SLC39A11: variants seen among roughly 807,000 people sequenced by gnomAD.
SLC39A11 encodes zinc transporter ZIP11.
A neutral mutation model predicts 36.1 loss-of-function variants in SLC39A11; 33 were observed. The observed-to-expected ratio is 0.91, with a 90% CI of 0.69 to 1.22. The LOEUF is 1.22. Ranked by LOEUF, SLC39A11 falls within the 50% of genes most tolerant of loss-of-function variation. SLC39A11 has a pLI of 0.00. For missense variants in SLC39A11, 432 were observed against 430.3 expected (o/e 1.00, Z -0.03); for synonymous variants, 166 against 170.3 (o/e 0.97, Z 0.20).
chr17:72,905,924 T>C (rs1297365402), intron 5 of SLC39A11, among the ~76,000 whole-genome samples: 1 of 151,958 alleles, frequency 6.6e-6, no homozygotes, highest in Admixed American at 6.6e-5. Flanking sequence ...CGGCTAATGT[T>C]TTGTATATTT....
intron 7 of SLC39A11, among the ~76,000 whole-genome samples, chr17:72,721,187 G>T (rs897343684): frequency 6.6e-6 from 1 of 151,016 alleles, no homozygotes; most frequent in Admixed American, 6.6e-5. Flanking sequence ...ACCTCTGCCT[G>T]CTGGGTTCAA....
chr17:73,024,512 A>G (rs75135438), intron 4 of SLC39A11, among the ~76,000 whole-genome samples: 6,408 of 152,280 alleles, frequency 0.042, 180 homozygotes, highest in East Asian at 0.074. Context: ...TCCCTAAGAT[A>G]TTCTTTCGTG....
chr17:72,657,627 G>C (rs1299876352), intron 7 of SLC39A11, among the ~76,000 whole-genome samples: 1 of 152,104 alleles, frequency 6.6e-6, no homozygotes, highest in Admixed American at 6.5e-5. Context: ...GGACTGAGGG[G>C]TTTCCCAGGA....
chr17:72,798,305 G>A (rs1024650719), intron 6 of SLC39A11, among the ~76,000 whole-genome samples: 4 of 152,018 alleles, frequency 2.6e-5, no homozygotes, highest in Admixed American at 2.0e-4. Flanking sequence ...GTGCCAGCAT[G>A]GTCATGTTCT....
chr17:72,716,992 T>A (rs113398658), intron 7 of SLC39A11, among the ~76,000 whole-genome samples: 2 of 126,464 alleles, frequency 1.6e-5, no homozygotes, highest in Non-Finnish European at 1.6e-5. Flanking sequence ...TATATATATA[T>A]ACACACACAC....
At chr17:72,713,172 G>A (rs928027004) in intron 7 of SLC39A11, among the ~76,000 whole-genome samples, 5 of 152,158 alleles carry the variant, frequency 3.3e-5, no homozygotes, top group African/African-American at 9.7e-5. Context: ...GGAGTTCGTG[G>A]TGGAGACTTC....
chr17:72,708,356 C>T (rs565754547), intron 7 of SLC39A11, among the ~76,000 whole-genome samples: 1 of 152,328 alleles, frequency 6.6e-6, no homozygotes, highest in South Asian at 2.1e-4. Flanking sequence ...AGGAAAAATA[C>T]TCTCCAGCAG....
intron 7 of SLC39A11, among the ~76,000 whole-genome samples, chr17:72,699,005 A>AT (rs1216324380): frequency 1.1e-4 from 17 of 151,802 alleles, no homozygotes; most frequent in Non-Finnish European, 2.9e-5. Flanking sequence ...TAATTTTTGT[A>AT]TTTTTAGTAG....
At chr17:72,743,563 C>T (rs913279865) in intron 6 of SLC39A11, among the ~76,000 whole-genome samples, 2 of 152,064 alleles carry the variant, frequency 1.3e-5, no homozygotes, top group South Asian at 2.1e-4. Flanking sequence ...ATTTAGAAAG[C>T]GAAACAGGAA....
chr17:73,067,966 A>G lies in SLC39A11; in HGVS notation c.147+16842T>C. The stretch of plus-strand genomic sequence containing the variant: ...CAACTTCTTGGTCTGGGGAAGGAGC[A>G]AAGGACTGATTCACATAAATAAACA... On this transcript the variant is annotated intron_variant, in intron 3 of 9. Coordinates refer to ENST00000255559, the MANE Select transcript of SLC39A11 (RefSeq NM_139177.4). The G allele has an allele frequency of 1.9e-6, 3 of 1,595,148 alleles. No homozygotes were observed. The South Asian group carries it at 3.3e-5, about 18-fold the overall frequency.
intron 5 of SLC39A11, among the ~76,000 whole-genome samples, chr17:72,914,337 A>G (rs1483249077): frequency 1.3e-5 from 2 of 150,608 alleles, no homozygotes; most frequent in Non-Finnish European, 3.0e-5. Flanking sequence ...AAAAGAAAAA[A>G]GAATACAAAA....
rs368749602 is a variant in SLC39A11 at position 72,749,902 on chromosome 17, G to A, written c.602-13183C>T. Among the ~76,000 whole-genome samples, 38 of 152,228 alleles carry A rather than the reference G, an allele frequency of 2.5e-4. No individual in the cohort carries two copies. The East Asian group carries it at 5.8e-3, about 23-fold the overall frequency. On this transcript the variant is annotated intron_variant, in intron 6 of 9. Coordinates refer to ENST00000255559, the MANE Select transcript of SLC39A11 (RefSeq NM_139177.4). ...ATTCGTAAAACACTAGATGGAAGTC[G>A]TACCAGGAATTCAGCCACACATCCC...
At chr17:73,082,521 G>A (rs1478222855) in intron 3 of SLC39A11, among the ~76,000 whole-genome samples, 1 of 151,770 alleles carries the variant, frequency 6.6e-6, no homozygotes, top group Non-Finnish European at 1.5e-5. Context: ...TAAGGAAAGA[G>A]AAAATGTGTT....
chr17:72,702,370 C>G (rs2143070645), intron 7 of SLC39A11, among the ~76,000 whole-genome samples: 1 of 152,216 alleles, frequency 6.6e-6, no homozygotes, highest in East Asian at 1.9e-4. Context: ...CCCTAGGGAA[C>G]AGTGGGCAAT....
At chr17:73,041,979 C>T (rs562692337) in intron 3 of SLC39A11, among the ~76,000 whole-genome samples, 1 of 152,236 alleles carries the variant, frequency 6.6e-6, no homozygotes, top group African/African-American at 2.4e-5. Flanking sequence ...ATTAATTTCC[C>T]TCTGGTGTCA....
At position 72,834,201 on chromosome 17, in the gene SLC39A11, C is replaced by T. The variant is rs187485935; in HGVS notation, c.601+15433G>A. The stretch of plus-strand genomic sequence containing the variant: ...TGTCCAACACAGTAGCCACTAGATA[C>T]AAGTATTTGATGTGTGGCTAAGTCA... On this transcript the variant is annotated intron_variant, in intron 6 of 9. Transcript: ENST00000255559. Among the ~76,000 whole-genome samples, 315 of 152,266 alleles carry T rather than the reference C, an allele frequency of 2.1e-3. 5 individuals carry two copies. The highest frequency in any genetic ancestry group is 0.018 in the Admixed American group (278 of 15,288).
intron 4 of SLC39A11, among the ~76,000 whole-genome samples, chr17:72,948,492 T>C (rs939505251): frequency 3.3e-5 from 5 of 152,242 alleles, no homozygotes; most frequent in African/African-American, 1.2e-4. Context: ...AATGGCAGTC[T>C]CAGTACAGGA....
At chr17:72,678,616 A>G (rs1265011637) in intron 7 of SLC39A11, among the ~76,000 whole-genome samples, 1 of 152,020 alleles carries the variant, frequency 6.6e-6, no homozygotes, top group East Asian at 1.9e-4. Flanking sequence ...GAGGCAGGAG[A>G]ATTGCTTGAA....
chr17:72,849,720 G>C lies in SLC39A11; in HGVS notation c.515C>G (p.Ser172Cys). ...GCCGGGCTGTGCCAGATTCCCTCGA[G>C]AAGGCACAGGGACAGCAGGACCCTC... is the stretch of plus-strand genomic sequence containing the variant. ...LPEGPAVPVP[S>C]RGNLAQPGGS... Residue 172 changes from serine (S) to cysteine (C), a missense_variant, in exon 6 of 10, where the codon TCT becomes TGT. By Grantham distance (112) the Ser-to-Cys change is moderately radical. Coordinates refer to ENST00000255559, the MANE Select transcript of SLC39A11 (RefSeq NM_139177.4). 1 of 1,611,804 alleles carries C rather than the reference G, an allele frequency of 6.2e-7. No individual in the cohort carries two copies. Among genetic ancestry groups the C allele is most frequent in the Non-Finnish European group, 8.5e-7 (1 of 1,179,246 alleles).
Sources: allele counts gnomAD v4.1 joint callset (sites outside exome capture counted in the v4.1 genomes callset), GRCh38; gene constraint gnomAD v4.1.1; transcripts MANE v1.5; gene names NCBI Gene and HGNC (gene_info 2026-07-23, HGNC 2026-07-21).